SCAP: variants seen among roughly 807,000 people sequenced by gnomAD.
SCAP encodes sterol regulatory element-binding protein cleavage-activating protein.
A neutral mutation model predicts 123.6 loss-of-function variants in SCAP; 65 were observed. The observed-to-expected ratio is 0.53, with a 90% confidence interval of 0.43 to 0.65. SCAP has a LOEUF of 0.65. Among genes scored for constraint, SCAP ranks in the 30% least tolerant of loss-of-function variants. SCAP has a pLI of 0.00. For synonymous variants in SCAP, 740 were observed against 726.3 expected (o/e 1.02, Z -0.30); for missense variants, 1,398 against 1,712.5 (o/e 0.82, Z 3.24).
chr3:47,426,727 C>T (rs1035646212), intron 6 of SCAP, among the ~76,000 whole-genome samples: 9 of 152,226 alleles, frequency 5.9e-5, no homozygotes, highest in Admixed American at 2.6e-4. Context: ...TGAGCCACCG[C>T]GCCCGGCCTC....
rs145894255 is a variant in SCAP, at chr3:47,414,034, G to C, written c.3660C>G (p.Gly1220=). 552 of 1,613,300 alleles carry C rather than the reference G, an allele frequency of 3.4e-4. 2 individuals carry two copies. In the African/African-American group the frequency reaches 6.6e-3, roughly 19 times the overall value. Residue 1220 remains glycine (G), a synonymous_variant, in exon 23 of 23, where the codon GGC becomes GGG. Coordinates refer to ENST00000265565, the MANE Select transcript of SCAP (RefSeq NM_012235.4). The part of the protein sequence containing the change: ...SDNLLVTGGQ[G]CVSFWDLNYG... ...AGTTTAGGTCCCAAAAGGAGACACA[G>C]CCCTGGCCGCCAGTCACCAGCAGGT...
intron 3 of SCAP, among the ~76,000 whole-genome samples, chr3:47,433,960 A>T (rs575753498): frequency 6.6e-6 from 1 of 152,360 alleles, no homozygotes; most frequent in African/African-American, 2.4e-5. Flanking sequence ...AACCTGGGAC[A>T]TAAAGCCACA....
At chr3:47,458,282 A>T (rs147572474) in intron 1 of SCAP, among the ~76,000 whole-genome samples, 166 of 152,184 alleles carry the variant, frequency 1.1e-3, no homozygotes, top group African/African-American at 3.7e-3. Flanking sequence ...AACAAAAATT[A>T]GCTGGGTGTG....
At chr3:47,471,418 C>A (rs530398964) in intron 1 of SCAP, among the ~76,000 whole-genome samples, 2 of 152,206 alleles carry the variant, frequency 1.3e-5, no homozygotes, top group East Asian at 3.9e-4. Flanking sequence ...AGCTGGAAGA[C>A]CCTGGATACA....
At chr3:47,422,747 G>C (rs919970086) in intron 9 of SCAP, 3 of 497,844 alleles carry the variant, frequency 6.0e-6, no homozygotes, top group Non-Finnish European at 1.1e-5. Flanking sequence ...ACGGGGAACG[G>C]GTGTTCACAG....
chr3:47,427,679 A>G lies in SCAP; in HGVS notation c.411-12T>C. On this transcript the variant is annotated splice_polypyrimidine_tract_variant and intron_variant, in intron 4 of 22. Transcript: ENST00000265565. ...TCCTGATCCCAGAGCTGCACAGGAGACAGGACAAGGCACCTGCTGTGTCTG... is the reference window on the plus strand; with the variant it reads ...TCCTGATCCCAGAGCTGCACAGGAGGCAGGACAAGGCACCTGCTGTGTCTG... The G allele has an allele frequency of 6.2e-7, 1 of 1,611,268 alleles. No individual in the cohort carries two copies. Among genetic ancestry groups the G allele is most frequent in the Non-Finnish European group, 8.5e-7 (1 of 1,178,196 alleles).
intron 8 of SCAP, 32 bp from the exon 9 acceptor site, chr3:47,424,077 T>A (rs1195335086): frequency 6.5e-7 from 1 of 1,549,422 alleles, no homozygotes; most frequent in African/African-American, 1.4e-5. Flanking sequence ...GTGAGGACAG[T>A]GTTGTGGTGG....
intron 1 of SCAP, among the ~76,000 whole-genome samples, chr3:47,467,759 G>A (rs567076032): frequency 3.9e-5 from 6 of 152,182 alleles, no homozygotes; most frequent in African/African-American, 1.2e-4. Context: ...TGGCCCTTGG[G>A]TACATGTGCA....
At chr3:47,432,402 T>C (rs748446002) in intron 3 of SCAP, among the ~76,000 whole-genome samples, 1 of 151,570 alleles carries the variant, frequency 6.6e-6, no homozygotes, top group Non-Finnish European at 1.5e-5. Flanking sequence ...GCTCTTTCGA[T>C]TGCCCCCCTA....
At chr3:47,444,152 C>G (rs894452784) in intron 1 of SCAP, among the ~76,000 whole-genome samples, 4 of 152,192 alleles carry the variant, frequency 2.6e-5, no homozygotes, top group African/African-American at 7.2e-5. Context: ...ATAGAAAACT[C>G]TAGGAGGCCC....
intron 2 of SCAP, among the ~76,000 whole-genome samples, chr3:47,442,122 T>A (rs2107909145): frequency 6.6e-6 from 1 of 152,294 alleles, no homozygotes; most frequent in South Asian, 2.1e-4. Flanking sequence ...TGAAAACATC[T>A]ATAAATGTTT....
chr3:47,423,967 C>A lies in SCAP; in HGVS notation c.1116G>T (p.Pro372=). ...LVLTKSVVST[P]VDLEVKLRIA... Reference sequence around the variant, plus strand: ...TCCGCAGCTTCACCTCCAGGTCTACCGGGGTTGAGACCACAGACTTGGTGA... The same window carrying A: ...TCCGCAGCTTCACCTCCAGGTCTACAGGGGTTGAGACCACAGACTTGGTGA... Residue 372 remains proline, a synonymous_variant, in exon 9 of 23, where the codon CCG becomes CCT. Coordinates refer to ENST00000265565, the MANE Select transcript of SCAP (RefSeq NM_012235.4). 6.2e-7 allele frequency: 1 copy of A among 1,614,126 alleles called. No homozygotes were observed. The highest frequency in any genetic ancestry group is 8.5e-7 in the Non-Finnish European group (1 of 1,179,970).
chr3:47,450,612 A>G lies in SCAP; in HGVS notation c.-98-7521T>C, dbSNP rs1200258263. Among the ~76,000 whole-genome samples, 4 of 116,452 alleles carry G rather than the reference A, an allele frequency of 3.4e-5. 1 individual carries two copies. The highest frequency in any genetic ancestry group is 7.4e-5 in the Non-Finnish European group (4 of 53,884). The allele number at this position is 116,452 out of a possible 152,430, so 76.4% of individuals were successfully genotyped here. The stretch of plus-strand genomic sequence containing the variant: ...ACTGCAGCCTCAATCTCCCAGGCTC[A>G]GGTGATCCTCCCACTTTAGCCTGCC... On this transcript the variant is annotated intron_variant, in intron 1 of 22. Transcript: ENST00000265565.
At chr3:47,417,932 AAGGGGG>A in intron 16 of SCAP, 106 bp from the exon 17 acceptor site, 1 of 214,036 alleles carries the variant, frequency 4.7e-6, no homozygotes, top group Admixed American at 6.8e-5. Flanking sequence ...GGCAAGGGAA[AAGGGGG>A]TGGGGGGAGA....
intron 2 of SCAP, among the ~76,000 whole-genome samples, chr3:47,436,035 G>A (rs1013758145): frequency 6.6e-6 from 1 of 151,772 alleles, no homozygotes; most frequent in Non-Finnish European, 1.5e-5. Flanking sequence ...GGCAACATAA[G>A]ACCCCTGTCT....
intron 18 of SCAP, 26 bp downstream of exon 18, chr3:47,417,096 C>T: frequency 6.2e-7 from 1 of 1,608,250 alleles, no homozygotes; most frequent in African/African-American, 1.3e-5. Context: ...CTGGGGACAT[C>T]TGGGGCTGAG....
chr3:47,414,010 G>A lies in SCAP; in HGVS notation c.3684C>T (p.Asn1228=), dbSNP rs1387127791. Residue 1228 remains asparagine (N), a synonymous_variant, in exon 23 of 23, where the codon AAC becomes AAT. Transcript: ENST00000265565. ...AGACTGTCTGTAACAGGTCCCCGTA[G>A]TTTAGGTCCCAAAAGGAGACACAGC... ...GQGCVSFWDL[N]YGDLLQTVYL... 3 of 1,613,324 alleles carry A rather than the reference G, an allele frequency of 1.9e-6. No homozygotes were observed. Among genetic ancestry groups the A allele is most frequent in the Admixed American group, 3.3e-5 (2 of 60,028 alleles).
chr3:47,453,535 ATT>A (rs1421969194), intron 1 of SCAP, among the ~76,000 whole-genome samples: 1 of 152,132 alleles, frequency 6.6e-6, no homozygotes, highest in Non-Finnish European at 1.5e-5. Context: ...TTCCAGCTTT[ATT>A]CTCTTGTCAA....
At chr3:47,453,112 C>G (rs548220433) in intron 1 of SCAP, among the ~76,000 whole-genome samples, 133 of 152,146 alleles carry the variant, frequency 8.7e-4, no homozygotes, top group Middle Eastern at 6.8e-3. Context: ...AAAAAATGAA[C>G]TGGACTAGTG....
Sources: gnomAD v4.1 joint callset for allele counts (sites outside exome capture counted in the v4.1 genomes callset) on GRCh38, gnomAD v4.1.1 for gene constraint, MANE v1.5 for transcripts, NCBI Gene and HGNC (gene_info 2026-07-23, HGNC 2026-07-21) for gene names.